The following RSC1A1 variants were observed in gnomAD, a reference collection of about 807,000 sequenced individuals.
RSC1A1 encodes regulator of solute carriers 1.
RSC1A1 carries 6 observed loss-of-function variants against 7.7 expected under a neutral mutation model. That is an observed-to-expected ratio of 0.78 (90% CI 0.43 to 1.53). RSC1A1 has a LOEUF of 1.53. Ranked by LOEUF, RSC1A1 falls within the 40% of genes most tolerant of loss-of-function variation. RSC1A1 has a pLI of 0.01. For missense variants in RSC1A1, 729 were observed against 726.3 expected (o/e 1.00, Z -0.04); for synonymous variants, 250 against 263.0 (o/e 0.95, Z 0.48).
Position 15,661,744 on chromosome 1 carries a change from C to G in RSC1A1, c.*22C>G, listed in dbSNP as rs184048113. On this transcript the variant is annotated 3_prime_UTR_variant, in exon 1 of 1. Coordinates refer to ENST00000345034, the MANE Select transcript of RSC1A1 (RefSeq NM_006511.3). ...ATGACTGTGGGAAAGTGGGCTAGAC[C>G]GTTCTCCATTCCCTTTAAACAAAAG... The G allele has an allele frequency of 2.5e-6, 4 of 1,580,394 alleles. No individual in the cohort carries two copies. The African/African-American group carries it at 4.1e-5, about 16-fold the overall frequency.
chr1:15,660,633 A>G lies in RSC1A1; in HGVS notation c.765A>G (p.Gln255=), dbSNP rs144997370. ...CATTTATGGAAATCGATACAGCTCAACAGTCCCTAGTTACTTTGCTTAATT... is the reference window on the plus strand; with the variant it reads ...CATTTATGGAAATCGATACAGCTCAGCAGTCCCTAGTTACTTTGCTTAATT... ...SETFMEIDTA[Q]QSLVTLLNST... The change falls in exon 1 of 1, where the codon CAA becomes CAG. Residue 255 remains glutamine (Q), a synonymous_variant. Transcript: ENST00000345034. 5 of 1,614,108 alleles carry G rather than the reference A, an allele frequency of 3.1e-6. No homozygotes were observed. Among genetic ancestry groups the G allele is most frequent in the South Asian group, 1.1e-5 (1 of 91,088 alleles).
chr1:15,659,828 T>C lies in RSC1A1; in HGVS notation c.-41T>C. On this transcript the variant is annotated 5_prime_UTR_variant, in exon 1 of 1. Coordinates refer to ENST00000345034, the MANE Select transcript of RSC1A1 (RefSeq NM_006511.3). ...TTAATCTTTTTCCTTTCCCCTGTGT[T>C]CCATATAGAGAAAAGTGGTAAAGAA... 1 of 1,519,078 alleles carries C rather than the reference T, an allele frequency of 6.6e-7. No homozygotes were observed. Among genetic ancestry groups the C allele is most frequent in the Non-Finnish European group, 8.8e-7 (1 of 1,140,870 alleles). 94.1% of individuals were successfully genotyped at this position (1,519,078 alleles called of 1,614,324 possible).
In RSC1A1 at chr1:15,661,394, A is replaced by C; in HGVS notation, c.1526A>C (p.Glu509Ala). ...GEEDALNQTS[E>A]QTKSLSSNFI... Reference sequence around the variant, plus strand: ...GAGGATGCACTCAATCAGACTTCTGAGCAAACTAAGTCTTTGTCATCCAAT... The same window carrying C: ...GAGGATGCACTCAATCAGACTTCTGCGCAAACTAAGTCTTTGTCATCCAAT... The change falls in exon 1 of 1, where the codon GAG becomes GCG. Residue 509 changes from glutamate (E) to alanine (A), a missense_variant. Physicochemically the swap from Glu to Ala is moderately radical, Grantham distance 107. Coordinates refer to ENST00000345034, the MANE Select transcript of RSC1A1 (RefSeq NM_006511.3). 1 of 1,614,204 alleles carries C rather than the reference A, an allele frequency of 6.2e-7. No individual in the cohort carries two copies. The highest frequency in any genetic ancestry group is 8.5e-7 in the Non-Finnish European group (1 of 1,180,040).
In RSC1A1 at chr1:15,660,224, A is replaced by G; in HGVS notation, c.356A>G (p.Gln119Arg). 2 of 1,614,232 alleles carry G rather than the reference A, an allele frequency of 1.2e-6. No homozygotes were observed. The change falls in exon 1 of 1, where the codon CAG becomes CGG. Residue 119 changes from glutamine (Q) to arginine (R), a missense_variant. Transcript: ENST00000345034. Reference sequence around the variant, plus strand: ...GAGAAATCTGCTGAAAGAAGCACCCAGGGCCTCAAATTTCATCTCCATACA... The same window carrying G: ...GAGAAATCTGCTGAAAGAAGCACCCGGGGCCTCAAATTTCATCTCCATACA... ...NLEKSAERSTQGLKFHLHTRQ... is the reference protein window; with the variant it reads ...NLEKSAERSTRGLKFHLHTRQ...
In RSC1A1 at chr1:15,661,349, C is replaced by G; in HGVS notation, c.1481C>G (p.Pro494Arg). 6.2e-7 allele frequency: 1 copy of G among 1,614,038 alleles called. No individual in the cohort carries two copies. Among genetic ancestry groups the G allele is most frequent in the Non-Finnish European group, 8.5e-7 (1 of 1,179,984 alleles). Reference sequence around the variant, plus strand: ...TGCACCTTAGGTGTAGAAATTTCACCCAAACTTTTAGCAGGTGAGGAGGAT... The same window carrying G: ...TGCACCTTAGGTGTAGAAATTTCACGCAAACTTTTAGCAGGTGAGGAGGAT... ...LHCTLGVEISPKLLAGEEDAL... is the reference protein window; with the variant it reads ...LHCTLGVEISRKLLAGEEDAL... The change falls in exon 1 of 1, where the codon CCC becomes CGC. Residue 494 changes from proline to arginine, a missense_variant. Physicochemically the swap from Pro to Arg is moderately radical, Grantham distance 103. Transcript: ENST00000345034.
chr1:15,660,217 A>G lies in RSC1A1; in HGVS notation c.349A>G (p.Ser117Gly). ...TAATCTGGAGAAATCTGCTGAAAGA[A>G]GCACCCAGGGCCTCAAATTTCATCT... ...AGNLEKSAER[S>G]TQGLKFHLHT... Residue 117 changes from serine (S) to glycine (G), a missense_variant, in exon 1 of 1, where the codon AGC becomes GGC. Transcript: ENST00000345034. 1 of 1,614,254 alleles carries G rather than the reference A, an allele frequency of 6.2e-7. No homozygotes were observed.
At position 15,660,108 on chromosome 1, in the gene RSC1A1, T is replaced by C; in HGVS notation, c.240T>C (p.His80=). The change falls in exon 1 of 1, where the codon CAT becomes CAC. Residue 80 remains histidine (H), a synonymous_variant. Transcript: ENST00000345034. ...TTTCTTTACAAGATCTTTCTGATCA[T>C]GCTTCCTCAGCAGACCATGCTCCAA... ...EHLSLQDLSD[H]ASSADHAPTD... 1 of 1,614,198 alleles carries C rather than the reference T, an allele frequency of 6.2e-7. No individual in the cohort carries two copies. The highest frequency in any genetic ancestry group is 8.5e-7 in the Non-Finnish European group (1 of 1,180,018).
rs1640362607 is a variant in RSC1A1, at chr1:15,660,910, T to C, written c.1042T>C (p.Ser348Pro). 6.2e-7 allele frequency: 1 copy of C among 1,613,902 alleles called. No individual in the cohort carries two copies. The highest frequency in any genetic ancestry group is 1.3e-5 in the African/African-American group (1 of 75,032). ...GCCTTCTGTGGAGTCAGCAGAAGAATCTTGCCCGTCTATAACGGCAGCCTT... is the reference window on the plus strand; with the variant it reads ...GCCTTCTGTGGAGTCAGCAGAAGAACCTTGCCCGTCTATAACGGCAGCCTT... The part of the protein sequence containing the change: ...CQPSVESAEE[S>P]CPSITAALKE... The change falls in exon 1 of 1, where the codon TCT (serine) becomes CCT (proline). Residue 348 changes from serine (S) to proline (P), a missense_variant. Physicochemically the swap from Ser to Pro is moderately conservative, Grantham distance 74. Coordinates refer to ENST00000345034, the MANE Select transcript of RSC1A1 (RefSeq NM_006511.3).
In RSC1A1 at chr1:15,660,495, T is replaced by G. The variant is rs145955439; in HGVS notation, c.627T>G (p.Ile209Met). The G allele has an allele frequency of 3.7e-6, 6 of 1,613,876 alleles. No individual in the cohort carries two copies. The highest frequency in any genetic ancestry group is 3.3e-5 in the Admixed American group (2 of 59,942). ...PEERQQNQHK[I>M]VDLEATMKGN... ...AAAGGCAACAGAATCAACACAAAAT[T>G]GTTGATTTGGAAGCTACGATGAAAG... The change falls in exon 1 of 1, where the codon ATT (isoleucine) becomes ATG (methionine). Residue 209 changes from isoleucine (I) to methionine (M), a missense_variant. By Grantham distance (10) the Ile-to-Met change is conservative. Transcript: ENST00000345034.
At position 15,661,921 on chromosome 1, in the gene RSC1A1, C is replaced by G. The variant is rs1640390250; in HGVS notation, c.*199C>G. On this transcript the variant is annotated 3_prime_UTR_variant, in exon 1 of 1. Coordinates refer to ENST00000345034, the MANE Select transcript of RSC1A1 (RefSeq NM_006511.3). ...CTTTTGTCTGATGAATTTGTCTATC[C>G]TACTTGTTAAAATTTAGGCCTTTTT... 1.3e-6 allele frequency: 1 copy of G among 763,538 alleles called. No individual in the cohort carries two copies. The allele number at this position is 763,538 out of a possible 1,614,324, so 47.3% of individuals were successfully genotyped here.
rs777641920 is a variant in RSC1A1, at chr1:15,661,021, A to G, written c.1153A>G (p.Ile385Val). 1.9e-6 allele frequency: 3 copies of G among 1,614,048 alleles called. No homozygotes were observed. The highest frequency in any genetic ancestry group is 1.3e-5 in the African/African-American group (1 of 74,934). The change falls in exon 1 of 1, where the codon ATA becomes GTA. Residue 385 changes from isoleucine (I) to valine (V), a missense_variant. Physicochemically the swap from Ile to Val is conservative, Grantham distance 29 (BLOSUM62 3). Transcript: ENST00000345034. ...AGAAGTAATCTGTCAATCAGAAACC[A>G]TAGCTGAGGGCCAAACCAGTATTAA... is the stretch of plus-strand genomic sequence containing the variant. ...SEEVICQSET[I>V]AEGQTSIKDL...
chr1:15,660,616 G>A lies in RSC1A1; in HGVS notation c.748G>A (p.Glu250Lys), dbSNP rs1440488823. The stretch of plus-strand genomic sequence containing the variant: ...CTGCTCAAATTCAGAAACATTTATG[G>A]AAATCGATACAGCTCAACAGTCCCT... ...SGCSNSETFM[E>K]IDTAQQSLVT... The change falls in exon 1 of 1, where the codon GAA becomes AAA. Residue 250 changes from glutamate (E) to lysine (K), a missense_variant. By Grantham distance (56) the Glu-to-Lys change is moderately conservative (BLOSUM62 1). Transcript: ENST00000345034. 1.9e-6 allele frequency: 3 copies of A among 1,613,954 alleles called. No individual in the cohort carries two copies. Among genetic ancestry groups the A allele is most frequent in the Non-Finnish European group, 2.5e-6 (3 of 1,180,018 alleles).
chr1:15,659,971 G>C lies in RSC1A1; in HGVS notation c.103G>C (p.Ala35Pro). Residue 35 changes from alanine to proline, a missense_variant, in exon 1 of 1, where the codon GCT becomes CCT. Transcript: ENST00000345034. ...NPMSLARSVSASVCPIKPSDS... is the reference protein window; with the variant it reads ...NPMSLARSVSPSVCPIKPSDS... ...TATGAGTCTTGCTCGCTCTGTCTCT[G>C]CTTCAGTCTGCCCTATCAAGCCCAG... 3 of 1,614,182 alleles carry C rather than the reference G, an allele frequency of 1.9e-6. No individual in the cohort carries two copies. The highest frequency in any genetic ancestry group is 2.5e-6 in the Non-Finnish European group (3 of 1,180,038).
In RSC1A1 at chr1:15,661,357, T is replaced by G. The variant is rs1268437140; in HGVS notation, c.1489T>G (p.Leu497Val). The G allele has an allele frequency of 6.2e-7, 1 of 1,614,130 alleles. No homozygotes were observed. Among genetic ancestry groups the G allele is most frequent in the Non-Finnish European group, 8.5e-7 (1 of 1,180,010 alleles). Reference protein sequence around the residue: ...TLGVEISPKLLAGEEDALNQT... With the variant: ...TLGVEISPKLVAGEEDALNQT... ...AGGTGTAGAAATTTCACCCAAACTTTTAGCAGGTGAGGAGGATGCACTCAA... is the reference window on the plus strand; with the variant it reads ...AGGTGTAGAAATTTCACCCAAACTTGTAGCAGGTGAGGAGGATGCACTCAA... The change falls in exon 1 of 1, where the codon TTA becomes GTA. Residue 497 changes from leucine (L) to valine (V), a missense_variant. By Grantham distance (32) the Leu-to-Val change is conservative (BLOSUM62 1). Transcript: ENST00000345034.
Position 15,661,541 on chromosome 1 carries a change from G to T in RSC1A1, c.1673G>T (p.Ser558Ile). Residue 558 changes from serine to isoleucine, a missense_variant, in exon 1 of 1, where the codon AGC (serine) becomes ATC (isoleucine). Ser to Ile is a moderately radical substitution (Grantham distance 142). Coordinates refer to ENST00000345034, the MANE Select transcript of RSC1A1 (RefSeq NM_006511.3). Reference sequence around the variant, plus strand: ...TTACTTGAATATGAACCACCTACCAGCCATCCATCATCAAGTCCTGCCATT... The same window carrying T: ...TTACTTGAATATGAACCACCTACCATCCATCCATCATCAAGTCCTGCCATT... ...RPLLEYEPPT[S>I]HPSSSPAILP... 1 of 1,614,132 alleles carries T rather than the reference G, an allele frequency of 6.2e-7. No homozygotes were observed. The highest frequency in any genetic ancestry group is 2.2e-5 in the East Asian group (1 of 44,876).
chr1:15,660,155 C>T lies in RSC1A1; in HGVS notation c.287C>T (p.Pro96Leu). 6.2e-7 allele frequency: 1 copy of T among 1,614,212 alleles called. No individual in the cohort carries two copies. The highest frequency in any genetic ancestry group is 1.3e-5 in the African/African-American group (1 of 75,060). The stretch of plus-strand genomic sequence containing the variant: ...CCAACAGACCAGAGTCCAGCTATGC[C>T]TATGCAGAATTCATCCGAAGAAATA... Reference protein sequence around the residue: ...HAPTDQSPAMPMQNSSEEITV... With the variant: ...HAPTDQSPAMLMQNSSEEITV... Residue 96 changes from proline (P) to leucine (L), a missense_variant, in exon 1 of 1, where the codon CCT (proline) becomes CTT (leucine). Transcript: ENST00000345034.
chr1:15,660,188 C>T lies in RSC1A1; in HGVS notation c.320C>T (p.Ala107Val). The change falls in exon 1 of 1, where the codon GCA becomes GTA. Residue 107 changes from alanine to valine, a missense_variant. Coordinates refer to ENST00000345034, the MANE Select transcript of RSC1A1 (RefSeq NM_006511.3). ...MQNSSEEITV[A>V]GNLEKSAERS... ...AATTCATCCGAAGAAATAACTGTTG[C>T]AGGTAATCTGGAGAAATCTGCTGAA... is the stretch of plus-strand genomic sequence containing the variant. The T allele has an allele frequency of 6.2e-7, 1 of 1,614,214 alleles. No homozygotes were observed. Among genetic ancestry groups the T allele is most frequent in the Non-Finnish European group, 8.5e-7 (1 of 1,180,044 alleles).
In RSC1A1 at chr1:15,659,936, T is replaced by C. The variant is rs1360425960; in HGVS notation, c.68T>C (p.Val23Ala). ...CGTTCTTCAGGACAGAGTCCTGATG[T>C]TGGTAATCCTATGAGTCTTGCTCGC... ...PARSSGQSPDVGNPMSLARSV... is the reference protein window; with the variant it reads ...PARSSGQSPDAGNPMSLARSV... The change falls in exon 1 of 1, where the codon GTT (valine) becomes GCT (alanine). Residue 23 changes from valine to alanine, a missense_variant. Transcript: ENST00000345034. 3 of 1,613,620 alleles carry C rather than the reference T, an allele frequency of 1.9e-6. No individual in the cohort carries two copies. The highest frequency in any genetic ancestry group is 2.5e-6 in the Non-Finnish European group (3 of 1,179,860).
the RSC1A1 span, chr1:15,660,743 C>A: frequency 6.2e-7 from 1 of 1,613,716 alleles, no homozygotes. Context: ...GTAGAAACAT[C>A]AAAATGTAAC....
Sources: allele counts gnomAD v4.1 joint callset, GRCh38; gene constraint gnomAD v4.1.1; transcripts MANE v1.5; gene names NCBI Gene and HGNC (gene_info 2026-07-23, HGNC 2026-07-21).